PATL1: variants seen among roughly 807,000 people sequenced by gnomAD.
PATL1 encodes the protein protein PAT1 homolog 1.
In PATL1, 32 loss-of-function variants were observed where a neutral mutation model predicts 100.6. That is an observed-to-expected ratio of 0.32 (90% confidence interval 0.24 to 0.43). The LOEUF is 0.43. Among genes scored for constraint, PATL1 ranks in the 20% least tolerant of loss-of-function variants. PATL1 has a pLI of 1.00. For missense variants in PATL1, 747 were observed against 949.9 expected (o/e 0.79, Z 2.81); for synonymous variants, 332 against 330.0 (o/e 1.01, Z -0.07).
intron 12 of PATL1, among the ~76,000 whole-genome samples, chr11:59,651,075 T>C (rs1047754718): frequency 6.6e-6 from 1 of 152,186 alleles, no homozygotes; most frequent in Non-Finnish European, 1.5e-5. Flanking sequence ...AAAATCTTTT[T>C]TTTTTCTTAA....
intron 5 of PATL1, chr11:59,657,157 G>A: frequency 1.0e-6 from 1 of 978,318 alleles, no homozygotes; most frequent in Non-Finnish European, 1.2e-6. Flanking sequence ...ACAGGCTCTA[G>A]GGAAAGCAGG....
At chr11:59,639,454 C>A in intron 16 of PATL1, 71 bp from the exon 17 acceptor site, 1 of 1,187,242 alleles carries the variant, frequency 8.4e-7, no homozygotes, top group Non-Finnish European at 1.2e-6. Flanking sequence ...TTGAAGGGAT[C>A]CTGGCATCAG....
rs1357856825 is a variant in PATL1, at chr11:59,637,123, A to T, written c.*1267T>A. On this transcript the variant is annotated 3_prime_UTR_variant, in exon 19 of 19. Coordinates refer to ENST00000300146, the MANE Select transcript of PATL1 (RefSeq NM_152716.3). ...CAACTACATTCGAAAAAGTAAGAAC[A>T]GCAGAAAGATCACGAAGGCCATGTA... The T allele has an allele frequency of 6.6e-6, 1 of 152,656 alleles. No individual in the cohort carries two copies. Among genetic ancestry groups the T allele is most frequent in the Non-Finnish European group, 1.5e-5 (1 of 68,072 alleles). The allele number at this position is 152,656 out of a possible 1,614,324, so 9.5% of individuals were successfully genotyped here. A position where few individuals can be genotyped will look rare whatever the true frequency, so the allele number is the denominator to read the frequency against.
At chr11:59,651,696 G>T in intron 11 of PATL1, 55 bp from the exon 12 acceptor site, 1 of 1,126,638 alleles carries the variant, frequency 8.9e-7, no homozygotes, top group Non-Finnish European at 1.3e-6. Flanking sequence ...AGCAATGCAG[G>T]CAGGCAGTGT....
Position 59,664,752 on chromosome 11 carries a change from T to C in PATL1, c.127+2101A>G, listed in dbSNP as rs74736835. Among the ~76,000 whole-genome samples, 595 of 152,204 alleles carry C rather than the reference T, an allele frequency of 3.9e-3. 2 individuals carry two copies. Among genetic ancestry groups the C allele is most frequent in the African/African-American group, 0.014 (578 of 41,528 alleles). ...TGGCTATTTTTCAAAAAAAATTTTGTGGAGAAAGAGTCTCACTATGTTGCC... is the reference window on the plus strand; with the variant it reads ...TGGCTATTTTTCAAAAAAAATTTTGCGGAGAAAGAGTCTCACTATGTTGCC... On this transcript the variant is annotated intron_variant, in intron 2 of 18. Coordinates refer to ENST00000300146, the MANE Select transcript of PATL1 (RefSeq NM_152716.3).
At chr11:59,642,737 G>T (rs1333960030) in intron 16 of PATL1, 143 bp downstream of exon 16, 1 of 851,394 alleles carries the variant, frequency 1.2e-6, no homozygotes. Context: ...GTTATTTCTA[G>T]CCGGTTACTA....
chr11:59,646,770 T>C (rs571941332), intron 15 of PATL1, among the ~76,000 whole-genome samples: 3 of 152,258 alleles, frequency 2.0e-5, no homozygotes, highest in Non-Finnish European at 4.4e-5. Context: ...CAGTTTCTTA[T>C]TTTGAACTTC....
chr11:59,654,179 T>G, intron 8 of PATL1, 107 bp from the exon 9 acceptor site: 1 of 973,298 alleles, frequency 1.0e-6, no homozygotes, highest in Non-Finnish European at 1.6e-6. Context: ...CTTAAGGGAC[T>G]ACAAAAGTCT....
intron 1 of PATL1, 152 bp from the exon 2 acceptor site, chr11:59,667,116 C>T: frequency 1.0e-6 from 1 of 977,598 alleles, no homozygotes; most frequent in Non-Finnish European, 1.2e-6. Flanking sequence ...TTCCCAATTT[C>T]CCTGACACTG....
Position 59,656,507 on chromosome 11 carries a change from T to C in PATL1, c.715A>G (p.Ser239Gly). 1.7e-5 allele frequency: 28 copies of C among 1,613,516 alleles called. No individual in the cohort carries two copies. The highest frequency in any genetic ancestry group is 2.4e-5 in the Non-Finnish European group (28 of 1,179,460). ...GGCTTAAAGTGACATACCGGGACAC[T>C]GCAGAGCTGGTTTGGAGACATCCTC... The part of the protein sequence containing the change: ...GERMSPNQLC[S>G]VPNSSLLGHP... Residue 239 changes from serine (S) to glycine (G), a missense_variant, in exon 6 of 19, where the codon AGT (serine) becomes GGT (glycine). This residue lies in a region of PATL1 where 127 missense variants were observed against 116.0 expected (regional missense o/e 1.09). Transcript: ENST00000300146.
At chr11:59,647,222 C>CA (rs1175300355) in intron 15 of PATL1, among the ~76,000 whole-genome samples, 12,407 of 59,536 alleles carry the variant, frequency 0.21, 950 homozygotes, top group Non-Finnish European at 0.24. Context: ...AACTCTGTCT[C>CA]AAAAAAAAAA....
chr11:59,651,712 G>A (rs1053466983), intron 11 of PATL1, 71 bp from the exon 12 acceptor site: 46 of 999,366 alleles, frequency 4.6e-5, no homozygotes, highest in Middle Eastern at 4.2e-4. Context: ...AGTGTTCAAA[G>A]AAGATTTTTA....
chr11:59,652,688 C>T (rs956883440), intron 10 of PATL1, 101 bp from the exon 11 acceptor site: 12 of 1,539,234 alleles, frequency 7.8e-6, no homozygotes, highest in Non-Finnish European at 1.1e-5. Flanking sequence ...AAGTTCAGCT[C>T]TAGAAATATA....
chr11:59,644,913 A>T (rs1261239588), intron 15 of PATL1, among the ~76,000 whole-genome samples: 4 of 147,958 alleles, frequency 2.7e-5, no homozygotes, highest in Non-Finnish European at 6.0e-5. Flanking sequence ...TTTTTTTAAA[A>T]AAAAAAAAAA....
chr11:59,652,442 A>C (rs749828799), intron 11 of PATL1, 22 bp downstream of exon 11: 2 of 1,589,076 alleles, frequency 1.3e-6, no homozygotes, highest in East Asian at 4.5e-5. Flanking sequence ...TATTATGGGC[A>C]TTTTTCTTAT....
chr11:59,659,165 A>T, intron 3 of PATL1, 87 bp downstream of exon 3: 1 of 1,186,174 alleles, frequency 8.4e-7, no homozygotes, highest in Non-Finnish European at 1.2e-6. Flanking sequence ...ATCTCTCATT[A>T]TAATAGATAA....
At position 59,654,204 on chromosome 11, in the gene PATL1, C is replaced by T. The variant is rs139714414; in HGVS notation, c.1032-132G>A. 873 of 721,232 alleles carry T rather than the reference C, an allele frequency of 1.2e-3. 7 individuals are homozygous for T. The African/African-American group carries it at 0.012, about 10-fold the overall frequency. 44.7% of individuals were successfully genotyped at this position (721,232 alleles called of 1,614,324 possible). A position where few individuals can be genotyped will look rare whatever the true frequency, so the allele number is the denominator to read the frequency against. ...TACAAAAGTCTATTCGGGATGGGTGCGGTGACTCACGCCTGTAATCCTAGC... is the reference window on the plus strand; with the variant it reads ...TACAAAAGTCTATTCGGGATGGGTGTGGTGACTCACGCCTGTAATCCTAGC... On this transcript the variant is annotated intron_variant, in intron 8 of 18. Transcript: ENST00000300146.
chr11:59,656,018 GA>G lies in PATL1; in HGVS notation c.750del (p.Pro251LeufsTer46). 3.9e-6 allele frequency: 6 copies of G among 1,536,664 alleles called. No homozygotes were observed. Among genetic ancestry groups the G allele is most frequent in the Admixed American group, 4.4e-5 (2 of 45,934 alleles). On this transcript the variant is annotated frameshift_variant, in exon 7 of 19. Transcript: ENST00000300146. LOFTEE classifies it high-confidence loss of function. ...VPNSSLLGHPFPPSVPPVLSP... is the reference protein window; with the variant it reads ...VPNSSLLGHPXPPSVPPVLSP... ...CTGAGAACAGGAGGAACACTAGGAG[GA>G]AAAGGGTGACCCAGGAGGGAAGAGT...
At chr11:59,667,346 T>A (rs1426073081) in intron 1 of PATL1, among the ~76,000 whole-genome samples, 1 of 152,240 alleles carries the variant, frequency 6.6e-6, no homozygotes, top group Non-Finnish European at 1.5e-5. Flanking sequence ...TATCTTTATG[T>A]ATCTTTTCCA....
Sources: allele counts gnomAD v4.1 joint callset (sites outside exome capture counted in the v4.1 genomes callset), GRCh38; gene constraint gnomAD v4.1.1; regional missense constraint gnomAD v4.1.1; transcripts MANE v1.5; gene names NCBI Gene and HGNC (gene_info 2026-07-23, HGNC 2026-07-21).